Variants in SBF2 observed in about 807,000 individuals in gnomAD.
The protein encoded by SBF2 is myotubularin-related protein 13.
A neutral mutation model predicts 225.2 loss-of-function variants in SBF2; 112 were observed. That is an observed-to-expected ratio of 0.50 (90% CI 0.43 to 0.58). The LOEUF is 0.58. Among genes scored for constraint, SBF2 ranks in the 20% least tolerant of loss-of-function variants. The pLI, the probability that SBF2 is intolerant of heterozygous loss-of-function variation, is 0.00. For missense variants in SBF2, 1,996 were observed against 2,206.2 expected (o/e 0.90, Z 1.91); for synonymous variants, 763 against 773.3 (o/e 0.99, Z 0.22).
At chr11:10,022,820 A>G (rs1405628471) in intron 6 of SBF2, among the ~76,000 whole-genome samples, 1 of 152,150 alleles carries the variant, frequency 6.6e-6, no homozygotes, top group East Asian at 1.9e-4. Flanking sequence ...AACCTGGGAC[A>G]TTTGACTAAG....
At chr11:9,838,188 C>A (rs1855858484) in intron 26 of SBF2, 1 of 151,826 alleles carries the variant, frequency 6.6e-6, no homozygotes, top group Non-Finnish European at 1.5e-5. Context: ...TTCTATGTCC[C>A]CTTTTTTTTC....
chr11:10,289,180 G>A (rs990925570), intron 1 of SBF2, among the ~76,000 whole-genome samples: 2 of 152,222 alleles, frequency 1.3e-5, no homozygotes, highest in African/African-American at 2.4e-5. Flanking sequence ...ACCCCGCTCC[G>A]AGATTGGAGC....
chr11:9,829,236 C>G (rs1386280395), intron 28 of SBF2, 120 bp downstream of exon 28: 7 of 1,192,952 alleles, frequency 5.9e-6, no homozygotes, highest in Non-Finnish European at 8.7e-6. Flanking sequence ...CAGGGTAAAA[C>G]TTTTAAGAAG....
chr11:10,033,855 A>C (rs528951555), intron 3 of SBF2, among the ~76,000 whole-genome samples: 3 of 152,268 alleles, frequency 2.0e-5, no homozygotes, highest in Non-Finnish European at 4.4e-5. Flanking sequence ...AAATGACACT[A>C]GTTTTATTTG....
intron 2 of SBF2, among the ~76,000 whole-genome samples, chr11:10,166,819 A>G (rs1955973628): frequency 6.6e-6 from 1 of 152,062 alleles, no homozygotes; most frequent in African/African-American, 2.4e-5. Context: ...AAAATAAGCC[A>G]GGTATAGTGG....
intron 17 of SBF2, among the ~76,000 whole-genome samples, chr11:9,882,377 G>A (rs1859842429): frequency 6.6e-6 from 1 of 152,160 alleles, no homozygotes; most frequent in South Asian, 2.1e-4. Flanking sequence ...TGTTAATGGT[G>A]ACACAATATC....
At chr11:10,111,069 C>A (rs1306008740) in intron 2 of SBF2, among the ~76,000 whole-genome samples, 1 of 151,984 alleles carries the variant, frequency 6.6e-6, no homozygotes, top group Non-Finnish European at 1.5e-5. Flanking sequence ...ACACATACAA[C>A]CACATTAAAC....
chr11:10,182,745 T>C (rs573358160), intron 2 of SBF2, among the ~76,000 whole-genome samples: 42 of 151,440 alleles, frequency 2.8e-4, no homozygotes, highest in Non-Finnish European at 5.3e-4. Flanking sequence ...TTTGTTGTTG[T>C]TGTTGTTGTT....
rs1361539292 is a variant in SBF2 at position 10,294,170 on chromosome 11, T to TAGCGGC, written c.-107_-102dup. ...CTCAGCATTTTCCCTGCAGCGGCAG[T>TAGCGGC]AGCGGCAGCGGCAGCGCTTCAGCCA... On this transcript the variant is annotated 5_prime_UTR_variant, in exon 1 of 40. Coordinates refer to ENST00000256190, the MANE Select transcript of SBF2 (RefSeq NM_030962.4). 15 of 892,696 alleles carry TAGCGGC rather than the reference T, an allele frequency of 1.7e-5. No homozygotes were observed. The highest frequency in any genetic ancestry group is 4.0e-4 in the Middle Eastern group (1 of 2,520). The allele number at this position is 892,696 out of a possible 1,614,324, so 55.3% of individuals were successfully genotyped here.
intron 14 of SBF2, among the ~76,000 whole-genome samples, chr11:9,967,545 A>G (rs1323788258): frequency 4.6e-5 from 7 of 152,204 alleles, no homozygotes; most frequent in Admixed American, 3.3e-4. Flanking sequence ...AGATTACTGT[A>G]TAAGGCTGGG....
chr11:10,286,873 C>T lies in SBF2; in HGVS notation c.55+7142G>A, dbSNP rs556812673. ...TTGTCAGTCTCACACAAATAAGACA[C>T]TTATGACCTAGCAATTCTTCTCCTA... On this transcript the variant is annotated intron_variant, in intron 1 of 39. Transcript: ENST00000256190. Among the ~76,000 whole-genome samples, 6 of 152,328 alleles carry T rather than the reference C, an allele frequency of 3.9e-5. No individual in the cohort carries two copies. The East Asian group carries it at 9.6e-4, about 24-fold the overall frequency.
At chr11:10,169,453 C>T (rs1179305808) in intron 2 of SBF2, among the ~76,000 whole-genome samples, 1 of 152,096 alleles carries the variant, frequency 6.6e-6, no homozygotes, top group Non-Finnish European at 1.5e-5. Context: ...TCTTTCTGTG[C>T]CTAGCTTATT....
At chr11:9,961,163 AT>A (rs1304578122) in intron 16 of SBF2, 1 of 152,184 alleles carries the variant, frequency 6.6e-6, no homozygotes, top group Non-Finnish European at 1.5e-5. Flanking sequence ...TTCCATACAA[AT>A]GATACATTTT....
chr11:9,862,733 A>T (rs147845682), intron 17 of SBF2, among the ~76,000 whole-genome samples: 9 of 152,056 alleles, frequency 5.9e-5, no homozygotes, highest in South Asian at 2.1e-4. Context: ...TAATTTATTT[A>T]AAAAAATTTT....
chr11:9,897,811 A>G (rs998622272), intron 16 of SBF2, among the ~76,000 whole-genome samples: 2 of 152,228 alleles, frequency 1.3e-5, no homozygotes, highest in Non-Finnish European at 2.9e-5. Context: ...GAAAAGAGGC[A>G]TAGGTGTCAG....
intron 16 of SBF2, among the ~76,000 whole-genome samples, chr11:9,922,606 T>G (rs1244771959): frequency 6.6e-6 from 1 of 152,230 alleles, no homozygotes; most frequent in Non-Finnish European, 1.5e-5. Context: ...TAAAGAAATG[T>G]TATTATGGTT....
At chr11:9,813,362 C>A (rs1854297181) in intron 29 of SBF2, among the ~76,000 whole-genome samples, 1 of 152,168 alleles carries the variant, frequency 6.6e-6, no homozygotes, top group Non-Finnish European at 1.5e-5. Flanking sequence ...GAGTCTTGCT[C>A]TGTCACCCAG....
intron 2 of SBF2, among the ~76,000 whole-genome samples, chr11:10,156,570 G>A (rs74443055): frequency 0.075 from 11,473 of 152,278 alleles, 614 homozygotes; most frequent in East Asian, 0.28. Context: ...ATTGATGGCT[G>A]TTCAGCCAGC....
intron 2 of SBF2, among the ~76,000 whole-genome samples, chr11:10,081,751 C>T (rs1951374324): frequency 1.5e-5 from 2 of 133,888 alleles, no homozygotes; most frequent in Admixed American, 1.6e-4. Context: ...CAGAGCAAGA[C>T]TCCACCTCAA....
Sources: gnomAD v4.1 joint callset for allele counts (sites outside exome capture counted in the v4.1 genomes callset) on GRCh38, gnomAD v4.1.1 for gene constraint, MANE v1.5 for transcripts, NCBI Gene and HGNC (gene_info 2026-07-23, HGNC 2026-07-21) for gene names.